CSGALNACT1: variants seen among roughly 807,000 people sequenced by gnomAD.
CSGALNACT1 encodes chondroitin sulfate N-acetylgalactosaminyltransferase 1, also known as beta4GalNAcT-1.
In CSGALNACT1, 52 loss-of-function variants were observed where a neutral mutation model predicts 51.0. The observed-to-expected ratio is 1.02, with a 90% confidence interval of 0.82 to 1.29. The LOEUF is 1.29. Among genes scored for constraint, CSGALNACT1 ranks in the 50% most tolerant of loss-of-function variants. The pLI is 0.00. For synonymous variants in CSGALNACT1, 341 were observed against 254.4 expected (o/e 1.34, Z -3.24); for missense variants, 935 against 679.2 (o/e 1.38, Z -4.19).
At chr8:19,538,582 G>A (rs2084325562) in intron 3 of CSGALNACT1, among the ~76,000 whole-genome samples, 1 of 152,122 alleles carries the variant, frequency 6.6e-6, no homozygotes. Context: ...GTGAGAAGGA[G>A]GAGGCCTTCA....
chr8:19,418,847 C>T, intron 7 of CSGALNACT1, 97 bp from the exon 7 acceptor site: 2 of 831,022 alleles, frequency 2.4e-6, no homozygotes, highest in Non-Finnish European at 2.0e-6. Flanking sequence ...CAGATATTTG[C>T]ACCCACTTTT....
rs148261842 is a variant in CSGALNACT1 at position 19,588,509 on chromosome 8, C to T, written c.-297+2651G>A. On this transcript the variant is annotated intron_variant, in intron 3 of 9. Transcript: ENST00000454498. ...TGATTACCTAAATGTAAATATCACTCGTGAGCATTGCCCATAAATTGCAGT... is the reference window on the plus strand; with the variant it reads ...TGATTACCTAAATGTAAATATCACTTGTGAGCATTGCCCATAAATTGCAGT... Among the ~76,000 whole-genome samples the T allele has an allele frequency of 7.9e-4, 120 of 152,320 alleles. 1 individual carries two copies. Among genetic ancestry groups the T allele is most frequent in the African/African-American group, 2.7e-3 (112 of 41,572 alleles).
chr8:19,574,945 G>T (rs981226039), intron 3 of CSGALNACT1, among the ~76,000 whole-genome samples: 1 of 151,894 alleles, frequency 6.6e-6, no homozygotes. Context: ...TGAGGCAGGA[G>T]AATCTCTTGA....
At position 19,492,938 on chromosome 8, in the gene CSGALNACT1, G is replaced by A. The variant is rs1187990536; in HGVS notation, c.634+12263C>T. On this transcript the variant is annotated intron_variant, in intron 4 of 9. Coordinates refer to ENST00000454498, the Ensembl canonical transcript of CSGALNACT1. Reference sequence around the variant, plus strand: ...TTTCTTTTAGTTTGTGCCCTGCCTCGCCTGTCCAGTGTATGGCATATTTGT... The same window carrying A: ...TTTCTTTTAGTTTGTGCCCTGCCTCACCTGTCCAGTGTATGGCATATTTGT... Among the ~76,000 whole-genome samples the A allele has an allele frequency of 4.0e-5, 6 of 151,572 alleles. No homozygotes were observed. The South Asian group carries it at 8.3e-4, about 21-fold the overall frequency.
chr8:19,493,319 G>A (rs1451399793), intron 4 of CSGALNACT1, among the ~76,000 whole-genome samples: 1 of 152,070 alleles, frequency 6.6e-6, no homozygotes, highest in Non-Finnish European at 1.5e-5. Flanking sequence ...CAGAGATTGT[G>A]TTATTTATTT....
intron 1 of CSGALNACT1, among the ~76,000 whole-genome samples, chr8:19,674,438 C>T (rs1032027708): frequency 2.2e-4 from 34 of 151,884 alleles, no homozygotes; most frequent in Admixed American, 2.0e-3. Flanking sequence ...GGGGGGAAGA[C>T]GGAAGAAGGA....
At chr8:19,592,902 C>T (rs566564498) in intron 2 of CSGALNACT1, among the ~76,000 whole-genome samples, 8 of 152,214 alleles carry the variant, frequency 5.3e-5, no homozygotes, top group Non-Finnish European at 1.2e-4. Context: ...TACCCCACTA[C>T]AGTGGTTCAA....
At chr8:19,482,893 T>G (rs2071835356) in intron 4 of CSGALNACT1, among the ~76,000 whole-genome samples, 1 of 152,122 alleles carries the variant, frequency 6.6e-6, no homozygotes, top group South Asian at 2.1e-4. Flanking sequence ...CCCCTACAAC[T>G]AAGCTGATCA....
rs145528502 is a variant in CSGALNACT1 at position 19,742,467 on chromosome 8, C to G, written c.-297+15383G>C. Among the ~76,000 whole-genome samples the G allele has an allele frequency of 3.1e-3, 476 of 152,316 alleles. 6 individuals carry two copies. Among genetic ancestry groups the G allele is most frequent in the East Asian group, 0.013 (66 of 5,186 alleles). ...TCACTGCCCTTGCAGGCTGAATATG[C>G]AAGATGCCAGGCCTCTGAAACAGAA... On this transcript the variant is annotated intron_variant, in intron 1 of 1. Coordinates refer to the CSGALNACT1 transcript ENST00000517494.
At chr8:19,583,872 A>T (rs2046095539) in intron 3 of CSGALNACT1, among the ~76,000 whole-genome samples, 1 of 152,222 alleles carries the variant, frequency 6.6e-6, no homozygotes, top group Admixed American at 6.5e-5. Context: ...TCTGTTGCCC[A>T]CATACTCATA....
intron 3 of CSGALNACT1, among the ~76,000 whole-genome samples, chr8:19,527,863 C>A (rs1563909432): frequency 6.6e-6 from 1 of 152,048 alleles, no homozygotes; most frequent in Non-Finnish European, 1.5e-5. Flanking sequence ...CTAAGCAAGT[C>A]AGAGAAAAGA....
chr8:19,696,430 C>T lies in CSGALNACT1; in HGVS notation c.-297+61420G>A, dbSNP rs537498658. On this transcript the variant is annotated intron_variant, in intron 1 of 1. Coordinates refer to the CSGALNACT1 transcript ENST00000517494. Reference sequence around the variant, plus strand: ...CTCACTGTTTAGCAGGAGAGAACAACATTTAATACATAATTGGAACAGGGC... The same window carrying T: ...CTCACTGTTTAGCAGGAGAGAACAATATTTAATACATAATTGGAACAGGGC... Among the ~76,000 whole-genome samples, 3 of 152,266 alleles carry T rather than the reference C, an allele frequency of 2.0e-5. No homozygotes were observed. The South Asian group carries it at 6.2e-4, about 32-fold the overall frequency.
chr8:19,569,078 T>C (rs2042468332), intron 3 of CSGALNACT1, among the ~76,000 whole-genome samples: 1 of 152,198 alleles, frequency 6.6e-6, no homozygotes, highest in Non-Finnish European at 1.5e-5. Flanking sequence ...CAATCAATTC[T>C]GATAATGTAG....
chr8:19,608,793 T>C (rs551090559), intron 1 of CSGALNACT1, among the ~76,000 whole-genome samples: 1 of 152,202 alleles, frequency 6.6e-6, no homozygotes, highest in South Asian at 2.1e-4. Flanking sequence ...CTGGTGACAC[T>C]GTGATAGATG....
At chr8:19,715,457 C>A (rs2062751244) in intron 1 of CSGALNACT1, among the ~76,000 whole-genome samples, 1 of 152,164 alleles carries the variant, frequency 6.6e-6, no homozygotes, top group Admixed American at 6.5e-5. Context: ...AAGGACATGA[C>A]CTCATTCCTT....
chr8:19,457,159 A>C (rs1400770313), intron 5 of CSGALNACT1, among the ~76,000 whole-genome samples: 1 of 152,212 alleles, frequency 6.6e-6, no homozygotes, highest in African/African-American at 2.4e-5. Context: ...GATGACCTCA[A>C]AGGTCTAAGA....
chr8:19,744,524 A>AG (rs2064525175), intron 1 of CSGALNACT1, among the ~76,000 whole-genome samples: 1 of 152,204 alleles, frequency 6.6e-6, no homozygotes, highest in Non-Finnish European at 1.5e-5. Context: ...ACATGTTGGA[A>AG]GCCTTCCTGC....
chr8:19,540,842 C>A (rs1214742931), intron 3 of CSGALNACT1, among the ~76,000 whole-genome samples: 1 of 152,156 alleles, frequency 6.6e-6, no homozygotes, highest in East Asian at 1.9e-4. Context: ...ATACATCCTT[C>A]AGTATCAGCA....
At chr8:19,460,870 G>A (rs2065212283) in intron 4 of CSGALNACT1, among the ~76,000 whole-genome samples, 1 of 151,994 alleles carries the variant, frequency 6.6e-6, no homozygotes, top group South Asian at 2.1e-4. Flanking sequence ...TAGCCTCTTT[G>A]ATCCTGTTCA....
Sources: gnomAD v4.1 joint callset for allele counts (sites outside exome capture counted in the v4.1 genomes callset) on GRCh38, gnomAD v4.1.1 for gene constraint, MANE v1.5 for transcripts, NCBI Gene and HGNC (gene_info 2026-07-23, HGNC 2026-07-21) for gene names.